Variants in VPS13B observed in about 807,000 individuals in gnomAD.
The protein encoded by VPS13B is intermembrane lipid transfer protein VPS13B.
Under a neutral mutation model 426.4 loss-of-function variants are expected in VPS13B, and 285 were observed. That is an observed-to-expected ratio of 0.67 (90% CI 0.61 to 0.74). The LOEUF (loss-of-function observed/expected upper bound fraction) is 0.74. Ranked by LOEUF, VPS13B falls within the 30% of genes least tolerant of loss-of-function variation. The pLI is 0.00. For synonymous variants in VPS13B, 1,676 were observed against 1,676.4 expected (o/e 1.00, Z 0.01); for missense variants, 4,537 against 4,782.6 (o/e 0.95, Z 1.51).
chr8:99,375,224 T>C (rs1813417151), intron 19 of VPS13B, among the ~76,000 whole-genome samples: 1 of 152,222 alleles, frequency 6.6e-6, no homozygotes, highest in Non-Finnish European at 1.5e-5. Flanking sequence ...AGTGCAGTTA[T>C]TTTCTTCTTA....
intron 19 of VPS13B, among the ~76,000 whole-genome samples, chr8:99,283,224 G>A (rs573606031): frequency 1.3e-5 from 2 of 152,174 alleles, no homozygotes; most frequent in Non-Finnish European, 2.9e-5. Context: ...CAGAACATAT[G>A]AGTAAGAATG....
chr8:99,453,467 C>A (rs1030873245), intron 23 of VPS13B, among the ~76,000 whole-genome samples: 7 of 152,282 alleles, frequency 4.6e-5, no homozygotes, highest in African/African-American at 1.7e-4. Context: ...TAAGCTGTTG[C>A]ACTACCTAAA....
intron 17 of VPS13B, among the ~76,000 whole-genome samples, chr8:99,204,019 A>T (rs1243211728): frequency 6.6e-6 from 1 of 152,202 alleles, no homozygotes; most frequent in Non-Finnish European, 1.5e-5. Context: ...TTTAAATTTC[A>T]TATAGAACCA....
chr8:99,262,415 T>C (rs1483506897), intron 17 of VPS13B, among the ~76,000 whole-genome samples: 1 of 152,206 alleles, frequency 6.6e-6, no homozygotes, highest in African/African-American at 2.4e-5. Context: ...GAGGGAGATT[T>C]TTACAGTCTT....
intron 19 of VPS13B, among the ~76,000 whole-genome samples, chr8:99,303,801 G>A (rs1275826217): frequency 6.7e-6 from 1 of 149,188 alleles, no homozygotes; most frequent in Non-Finnish European, 1.5e-5. Context: ...TTCAGTGATT[G>A]TGTATTGATT....
chr8:99,397,885 A>T (rs933121317), intron 21 of VPS13B, among the ~76,000 whole-genome samples: 3 of 152,206 alleles, frequency 2.0e-5, no homozygotes, highest in Non-Finnish European at 4.4e-5. Flanking sequence ...GTCTAACTGC[A>T]TAAGAGGTCT....
chr8:99,175,433 G>T (rs187604184), intron 16 of VPS13B, among the ~76,000 whole-genome samples: 168 of 152,238 alleles, frequency 1.1e-3, no homozygotes, highest in Non-Finnish European at 1.4e-3. Context: ...AATTTATGTG[G>T]ATTTTGTCTA....
chr8:99,279,877 C>T (rs778908723), intron 19 of VPS13B, among the ~76,000 whole-genome samples: 3 of 152,166 alleles, frequency 2.0e-5, no homozygotes, highest in Non-Finnish European at 1.5e-5. Context: ...TCATGCCATT[C>T]TCCTGCCTCA....
chr8:99,121,626 C>T (rs147072611), intron 8 of VPS13B, 181 bp downstream of exon 8: 29 of 1,408,702 alleles, frequency 2.1e-5, no homozygotes, highest in African/African-American at 1.3e-4. Context: ...AATTCTGATC[C>T]CTTCCTGTCT....
intron 3 of VPS13B, among the ~76,000 whole-genome samples, chr8:99,083,857 G>T (rs1271523297): frequency 4.9e-4 from 68 of 138,760 alleles, no homozygotes; most frequent in Non-Finnish European, 9.2e-4. Flanking sequence ...GATTCGGTTT[G>T]CCAGTATTTT....
At chr8:99,556,284 G>A (rs1292683417) in intron 30 of VPS13B, among the ~76,000 whole-genome samples, 166 bp from the exon 31 acceptor site, 1 of 152,012 alleles carries the variant, frequency 6.6e-6, no homozygotes, top group Non-Finnish European at 1.5e-5. Flanking sequence ...GTCATAATAT[G>A]TACTAACTTT....
intron 32 of VPS13B, among the ~76,000 whole-genome samples, chr8:99,576,746 T>C (rs1017282890): frequency 1.5e-4 from 23 of 152,168 alleles, no homozygotes; most frequent in African/African-American, 5.5e-4. Flanking sequence ...TTGTTCTGTT[T>C]TCCTTGTCTG....
intron 19 of VPS13B, among the ~76,000 whole-genome samples, chr8:99,336,208 C>T (rs1324679569): frequency 7.2e-5 from 11 of 151,862 alleles, no homozygotes; most frequent in Admixed American, 1.3e-4. Context: ...GAAATAACGC[C>T]GCATATCTAC....
chr8:99,548,873 A>G (rs1824130996), intron 30 of VPS13B, among the ~76,000 whole-genome samples: 1 of 152,060 alleles, frequency 6.6e-6, no homozygotes, highest in Non-Finnish European at 1.5e-5. Context: ...TAAAAAAACT[A>G]TCCTGTATTT....
At chr8:99,624,978 C>T (rs998238902) in intron 33 of VPS13B, among the ~76,000 whole-genome samples, 7 of 151,862 alleles carry the variant, frequency 4.6e-5, no homozygotes, top group African/African-American at 1.5e-4. Flanking sequence ...CCACCATGCC[C>T]GGCTAATTTT....
chr8:99,784,592 C>A, intron 43 of VPS13B, 116 bp downstream of exon 43: 6 of 1,364,120 alleles, frequency 4.4e-6, no homozygotes, highest in African/African-American at 1.4e-5. Context: ...AACCACACAG[C>A]GTAGCTACAT....
intron 19 of VPS13B, among the ~76,000 whole-genome samples, chr8:99,320,316 A>G (rs1017745071): frequency 2.6e-5 from 4 of 152,196 alleles, no homozygotes; most frequent in African/African-American, 9.6e-5. Flanking sequence ...AGTGGGGGCT[A>G]TGTAAAAGAC....
At chr8:99,063,598 C>T (rs1844316486) in intron 3 of VPS13B, among the ~76,000 whole-genome samples, 1 of 152,240 alleles carries the variant, frequency 6.6e-6, no homozygotes. Context: ...CCAACCACAG[C>T]TCAGCAAGGC....
At chr8:99,541,533 G>A (rs570533934) in intron 30 of VPS13B, among the ~76,000 whole-genome samples, 1 of 152,152 alleles carries the variant, frequency 6.6e-6, no homozygotes, top group Admixed American at 6.5e-5. Flanking sequence ...GGTGTGTGAT[G>A]TTCCCCTCCC....
Sources: allele counts gnomAD v4.1 joint callset (sites outside exome capture counted in the v4.1 genomes callset), GRCh38; gene constraint gnomAD v4.1.1; transcripts MANE v1.5; gene names NCBI Gene and HGNC (gene_info 2026-07-23, HGNC 2026-07-21).